Variants in RARS2 observed in about 807,000 individuals in gnomAD.
RARS2 encodes arginyl-tRNA synthetase 2, mitochondrial, also known as probable arginine--tRNA ligase, mitochondrial.
RARS2 carries 67 observed loss-of-function variants against 88.5 expected under a neutral mutation model. The observed-to-expected ratio is 0.76, with a 90% CI of 0.62 to 0.93. The LOEUF (loss-of-function observed/expected upper bound fraction) is 0.93. RARS2 is among the 40% of genes least tolerant of loss of function. The pLI is 0.00. For synonymous variants in RARS2, 239 were observed against 230.3 expected (o/e 1.04, Z -0.34); for missense variants, 664 against 684.2 (o/e 0.97, Z 0.33).
intron 1 of RARS2, among the ~76,000 whole-genome samples, chr6:87,573,084 A>G (rs1199743302): frequency 2.0e-5 from 3 of 152,230 alleles, no homozygotes; most frequent in African/African-American, 7.2e-5. Context: ...GTACTGCTAT[A>G]AAGACATAAC....
chr6:87,582,668 G>A (rs1057137466), intron 1 of RARS2, among the ~76,000 whole-genome samples: 4 of 152,206 alleles, frequency 2.6e-5, no homozygotes, highest in Non-Finnish European at 4.4e-5. Context: ...CAGTACAAAC[G>A]TAGATAATTC....
intron 8 of RARS2, among the ~76,000 whole-genome samples, chr6:87,533,294 A>G (rs1314587647): frequency 1.3e-5 from 2 of 151,508 alleles, no homozygotes; most frequent in Non-Finnish European, 2.9e-5. Flanking sequence ...TAAAACGTGA[A>G]TATTCTTAGT....
chr6:87,522,041 A>G (rs1302885905), intron 11 of RARS2, among the ~76,000 whole-genome samples: 1 of 152,232 alleles, frequency 6.6e-6, no homozygotes, highest in African/African-American at 2.4e-5. Flanking sequence ...TTAAAAGACC[A>G]TAAAGTCGGC....
At chr6:87,559,061 A>G (rs957935298) in intron 4 of RARS2, among the ~76,000 whole-genome samples, 3 of 152,202 alleles carry the variant, frequency 2.0e-5, no homozygotes, top group Non-Finnish European at 4.4e-5. Context: ...TTTTAACAAA[A>G]AAGTCTAAAA....
intron 10 of RARS2, among the ~76,000 whole-genome samples, chr6:87,529,323 G>C (rs1265834194): frequency 2.0e-5 from 3 of 152,062 alleles, no homozygotes; most frequent in Non-Finnish European, 4.4e-5. Context: ...TCAGTTCCCA[G>C]CCTTATAAAA....
Position 87,518,261 on chromosome 6 carries a change from C to T in RARS2, c.1419G>A (p.Leu473=). Residue 473 remains leucine, a synonymous_variant, in exon 17 of 20, where the codon TTG becomes TTA. Coordinates refer to ENST00000369536, the MANE Select transcript of RARS2 (RefSeq NM_020320.5). ...LQYTHARLHS[L]EETFGCGYLN... is the part of the protein sequence containing the mutation. ...GGTACCCACATCCAAAAGTCTCTTC[C>T]AAACTTATCAAAAGTTTAAAGTTAA... 6.2e-7 allele frequency: 1 copy of T among 1,614,100 alleles called. No individual in the cohort carries two copies. Among genetic ancestry groups the T allele is most frequent in the Non-Finnish European group, 8.5e-7 (1 of 1,180,004 alleles).
rs767925540 is a variant in RARS2, at chr6:87,514,460, C to T, written c.1690G>A (p.Ala564Thr). 6.2e-7 allele frequency: 1 copy of T among 1,613,028 alleles called. No individual in the cohort carries two copies. Among genetic ancestry groups the T allele is most frequent in the South Asian group, 1.1e-5 (1 of 91,068 alleles). ...ATTCCAAGAAGTTTCATTCCATTGG[C>T]TAGGACAGAACGGACAGCTTTGAAA... ...HLFKAVRSVL[A>T]NGMKLLGITP... Residue 564 changes from alanine to threonine, a missense_variant, in exon 20 of 20, where the codon GCC becomes ACC. Ala to Thr is a moderately conservative substitution (Grantham distance 58, BLOSUM62 0). Coordinates refer to ENST00000369536, the MANE Select transcript of RARS2 (RefSeq NM_020320.5).
intron 1 of RARS2, chr6:87,584,710 G>A (rs1276507613): frequency 1.1e-5 from 5 of 467,160 alleles, no homozygotes; most frequent in Admixed American, 9.1e-5. Context: ...GACAAACCCA[G>A]CTTCTCAGAA....
intron 1 of RARS2, among the ~76,000 whole-genome samples, chr6:87,579,655 A>T (rs972707373): frequency 1.4e-5 from 2 of 140,046 alleles, no homozygotes; most frequent in Non-Finnish European, 3.3e-5. Flanking sequence ...GTGCAGCATA[A>T]AAAAAAAAGA....
chr6:87,530,093 T>C (rs1055138753), intron 9 of RARS2, among the ~76,000 whole-genome samples: 1 of 152,154 alleles, frequency 6.6e-6, no homozygotes, highest in African/African-American at 2.4e-5. Flanking sequence ...TCAAGCCACA[T>C]GTGGTTGGTG....
At chr6:87,538,757 G>T (rs1260781410) in intron 8 of RARS2, among the ~76,000 whole-genome samples, 3 of 152,138 alleles carry the variant, frequency 2.0e-5, no homozygotes, top group African/African-American at 7.2e-5. Context: ...AAATAGGTTG[G>T]GTGTGGTGGC....
chr6:87,527,454 G>A (rs77078841), intron 10 of RARS2, among the ~76,000 whole-genome samples: 12,312 of 152,188 alleles, frequency 0.081, 532 homozygotes, highest in East Asian at 0.095. Flanking sequence ...TCTAAGACCT[G>A]AGCTGTAAAA....
At chr6:87,519,208 G>GTGTATATATATATATATATATATA (rs1210109506) in intron 14 of RARS2, 1 of 256,302 alleles carries the variant, frequency 3.9e-6, no homozygotes, top group African/African-American at 2.4e-5. Flanking sequence ...GTGTGTGTGT[G>GTGTATATATATATATATATATATA]TATATATATA....
At chr6:87,542,041 A>G (rs1250676576) in intron 7 of RARS2, 47 bp from the exon 8 acceptor site, 2 of 1,416,872 alleles carry the variant, frequency 1.4e-6, no homozygotes, top group Admixed American at 3.3e-5. Context: ...TGAACAACAG[A>G]GAATAGGCAT....
In RARS2 at chr6:87,589,954, C is replaced by A; in HGVS notation, c.4G>T (p.Ala2Ser). Residue 2 changes from alanine (A) to serine (S), a missense_variant, in exon 1 of 20, where the codon GCG becomes TCG. Physicochemically the swap from Ala to Ser is moderately conservative, Grantham distance 99. Coordinates refer to ENST00000369536, the MANE Select transcript of RARS2 (RefSeq NM_020320.5). M[A>S]CGFRRAIACQ... Reference sequence around the variant, plus strand: ...GCAATAGCGCGGCGAAAGCCGCACGCCATGTCCACCTCTACGGAAGTGCGC... The same window carrying A: ...GCAATAGCGCGGCGAAAGCCGCACGACATGTCCACCTCTACGGAAGTGCGC... The A allele has an allele frequency of 6.2e-7, 1 of 1,614,248 alleles. No homozygotes were observed. The highest frequency in any genetic ancestry group is 8.5e-7 in the Non-Finnish European group (1 of 1,180,040).
intron 3 of RARS2, among the ~76,000 whole-genome samples, chr6:87,563,549 G>T (rs1024569281): frequency 2.2e-4 from 34 of 152,142 alleles, no homozygotes; most frequent in African/African-American, 7.2e-4. Flanking sequence ...CTCTGTGGAT[G>T]TATGTTAATA....
intron 10 of RARS2, among the ~76,000 whole-genome samples, chr6:87,527,289 T>C (rs1776065987): frequency 6.6e-6 from 1 of 151,956 alleles, no homozygotes; most frequent in Admixed American, 6.6e-5. Context: ...AGCCTGGTGA[T>C]ACAGTGAGAC....
rs776211529 is a variant in RARS2 at position 87,530,795 on chromosome 6, G to A, written c.760C>T (p.Arg254Trp). The change falls in exon 9 of 20, where the codon CGG (arginine) becomes TGG (tryptophan). Residue 254 changes from arginine to tryptophan, a missense_variant. Transcript: ENST00000369536. ...GGGTCAACCAATACCTTGTAAACCC[G>A]AATGTACTCTTCAATGCTCAAGTCC... Reference protein sequence around the residue: ...FRDLSIEEYIRVYKRLGVYFD... With the variant: ...FRDLSIEEYIWVYKRLGVYFD... 12 of 1,614,052 alleles carry A rather than the reference G, an allele frequency of 7.4e-6. No individual in the cohort carries two copies. Among genetic ancestry groups the A allele is most frequent in the African/African-American group, 4.0e-5 (3 of 74,940 alleles).
intron 1 of RARS2, among the ~76,000 whole-genome samples, chr6:87,574,611 T>C (rs1433091877): frequency 1.3e-5 from 2 of 152,090 alleles, no homozygotes; most frequent in South Asian, 2.1e-4. Context: ...GACCAGAAGA[T>C]AGACAGCTGG....
Sources: allele counts gnomAD v4.1 joint callset (sites outside exome capture counted in the v4.1 genomes callset), GRCh38; gene constraint gnomAD v4.1.1; transcripts MANE v1.5; gene names NCBI Gene and HGNC (gene_info 2026-07-23, HGNC 2026-07-21).